The following MTCH2 variants were observed in gnomAD, a reference collection of about 807,000 sequenced individuals.
The protein encoded by MTCH2 is mitochondrial carrier 2.
In MTCH2, 25 loss-of-function variants were observed where a neutral mutation model predicts 50.6. The observed-to-expected ratio is 0.49, with a 90% CI of 0.36 to 0.69. The LOEUF (loss-of-function observed/expected upper bound fraction) is 0.69, where lower values mean the gene tolerates loss of function less well. MTCH2 is among the 30% of genes least tolerant of loss of function. The pLI, the probability that MTCH2 is intolerant of heterozygous loss-of-function variation, is 0.00. For missense variants in MTCH2, 273 were observed against 384.4 expected, an observed-to-expected ratio of 0.71 and a Z score of 2.42; for synonymous variants, 106 against 132.0, an observed-to-expected ratio of 0.80 and a Z score of 1.35.
the MTCH2 span, among the ~76,000 whole-genome samples, chr11:47,608,244 T>C: frequency 7.2e-5 from 11 of 152,222 alleles, no homozygotes; most frequent in African/African-American, 2.7e-4. Context: ...ACATTTATGT[T>C]ATGTCAGTAG....
chr11:47,633,185 C>A (rs1229968775), intron 5 of MTCH2, among the ~76,000 whole-genome samples: 1 of 146,694 alleles, frequency 6.8e-6, no homozygotes, highest in African/African-American at 2.5e-5. Flanking sequence ...TCTTGGCTCA[C>A]TGCAAGCTCC....
At chr11:47,619,933 C>T (rs751601570) in intron 12 of MTCH2, among the ~76,000 whole-genome samples, 4 of 152,026 alleles carry the variant, frequency 2.6e-5, no homozygotes, top group South Asian at 2.1e-4. Context: ...AAAAATTAGC[C>T]GGGCGTAGTG....
intron 11 of MTCH2, among the ~76,000 whole-genome samples, chr11:47,624,043 C>A (rs2097295721): frequency 6.6e-6 from 1 of 152,066 alleles, no homozygotes; most frequent in Non-Finnish European, 1.5e-5. Context: ...CAGAGCAAGA[C>A]TCTGTCTCAA....
chr11:47,635,609 C>T (rs1565974489), intron 3 of MTCH2, 38 bp from the exon 4 acceptor site: 2 of 1,579,852 alleles, frequency 1.3e-6, no homozygotes, highest in African/African-American at 2.7e-5. Flanking sequence ...AGGGTTATTA[C>T]AGTGTCATGT....
chr11:47,635,099 A>C (rs916021737), intron 4 of MTCH2, among the ~76,000 whole-genome samples: 1 of 150,666 alleles, frequency 6.6e-6, no homozygotes, highest in African/African-American at 2.4e-5. Flanking sequence ...ATTTCTTTTG[A>C]GATAGGGTCT....
At chr11:47,604,352 G>T in the MTCH2 span, among the ~76,000 whole-genome samples, 1 of 151,966 alleles carries the variant, frequency 6.6e-6, no homozygotes, top group Non-Finnish European at 1.5e-5. Flanking sequence ...AGATCAATGA[G>T]GTTTATTATA....
At chr11:47,616,225 C>T (rs1022929383), downstream of MTCH2, among the ~76,000 whole-genome samples, 2 of 152,148 alleles carry the variant, frequency 1.3e-5, no homozygotes, top group Middle Eastern at 3.2e-3. Context: ...CTGCCCCCAG[C>T]CCACCCCACA....
At chr11:47,638,926 C>A in intron 2 of MTCH2, 41 bp downstream of exon 2, 2 of 1,587,094 alleles carry the variant, frequency 1.3e-6, no homozygotes, top group Non-Finnish European at 1.7e-6. Context: ...CTATCACAGT[C>A]CTCAACGTCA....
In MTCH2 at chr11:47,626,276, C is replaced by T. The variant is rs1293990549; in HGVS notation, c.682-535G>A. On this transcript the variant is annotated intron_variant, in intron 10 of 12. Coordinates refer to ENST00000302503, the MANE Select transcript of MTCH2 (RefSeq NM_014342.4). Reference sequence around the variant, plus strand: ...GGCCAAGGTGGTGTCGAACTCCCGACCTCAGCCTCCCAAAGTGCTGGGATT... The same window carrying T: ...GGCCAAGGTGGTGTCGAACTCCCGATCTCAGCCTCCCAAAGTGCTGGGATT... 4.0e-5 allele frequency among the ~76,000 whole-genome samples: 6 copies of T among 151,782 alleles called. No individual in the cohort carries two copies. The East Asian group carries it at 1.2e-3, about 29-fold the overall frequency.
chr11:47,640,131 C>T (rs2097312683), intron 1 of MTCH2, among the ~76,000 whole-genome samples: 1 of 152,034 alleles, frequency 6.6e-6, no homozygotes, highest in Admixed American at 6.6e-5. Context: ...GAGTTCAAGA[C>T]CAGCCTGGCC....
rs759572008 is a variant in MTCH2 at position 47,622,787 on chromosome 11, A to G, written c.750-11T>C. Reference sequence around the variant, plus strand: ...CATCCACCAGCAAGACTAAAATAGAAAAAAACATGGAGCTATTCATGTTAA... The same window carrying G: ...CATCCACCAGCAAGACTAAAATAGAGAAAAACATGGAGCTATTCATGTTAA... On this transcript the variant is annotated splice_polypyrimidine_tract_variant and intron_variant, in intron 11 of 12. Transcript: ENST00000302503. 5.2e-5 allele frequency: 61 copies of G among 1,182,206 alleles called. No homozygotes were observed. Among genetic ancestry groups the G allele is most frequent in the Non-Finnish European group, 6.2e-5 (59 of 949,360 alleles). 73.2% of individuals were successfully genotyped at this position (1,182,206 alleles called of 1,614,324 possible). A position where few individuals can be genotyped will look rare whatever the true frequency, so the allele number is the denominator to read the frequency against.
intron 8 of MTCH2, among the ~76,000 whole-genome samples, chr11:47,629,612 C>T (rs546905295): frequency 2.0e-5 from 3 of 152,112 alleles, no homozygotes; most frequent in South Asian, 2.1e-4. Context: ...CACTCAGCAG[C>T]GATGTGACAG....
chr11:47,633,114 CTTTT>C (rs11394531), intron 5 of MTCH2, among the ~76,000 whole-genome samples: 1 of 134,558 alleles, frequency 7.4e-6, no homozygotes, highest in African/African-American at 2.8e-5. Context: ...TGTATCCCTG[CTTTT>C]TTTTTTTTTT....
At position 47,642,558 on chromosome 11, in the gene MTCH2, C is replaced by T. The variant is rs979240432; in HGVS notation, c.-93G>A. On this transcript the variant is annotated 5_prime_UTR_variant, in exon 1 of 13. It adds an upstream start codon to the 5' untranslated region. Transcript: ENST00000302503. Reference sequence around the variant, plus strand: ...TCACGTGCCAGGGCCGCCGGTTTCACTGGCCCGCCCGCGGCGCGCGCGCAC... The same window carrying T: ...TCACGTGCCAGGGCCGCCGGTTTCATTGGCCCGCCCGCGGCGCGCGCGCAC... The T allele has an allele frequency of 1.7e-6, 2 of 1,144,056 alleles. No homozygotes were observed. The highest frequency in any genetic ancestry group is 3.2e-5 in the Admixed American group (1 of 31,532). 70.9% of individuals were successfully genotyped at this position (1,144,056 alleles called of 1,614,324 possible).
chr11:47,642,554 T>A lies in MTCH2; in HGVS notation c.-89A>T. 8.4e-7 allele frequency: 1 copy of A among 1,192,692 alleles called. No homozygotes were observed. The highest frequency in any genetic ancestry group is 1.1e-6 in the Non-Finnish European group (1 of 873,104). 73.9% of individuals were successfully genotyped at this position (1,192,692 alleles called of 1,614,324 possible). On this transcript the variant is annotated 5_prime_UTR_variant, in exon 1 of 13. Transcript: ENST00000302503. The stretch of plus-strand genomic sequence containing the variant: ...TAGGTCACGTGCCAGGGCCGCCGGT[T>A]TCACTGGCCCGCCCGCGGCGCGCGC...
chr11:47,637,342 T>C (rs568552694), intron 3 of MTCH2, among the ~76,000 whole-genome samples: 18 of 152,294 alleles, frequency 1.2e-4, no homozygotes, highest in African/African-American at 4.3e-4. Flanking sequence ...AGCCCAGGGT[T>C]CCCACTTTTC....
chr11:47,631,055 C>T lies in MTCH2; in HGVS notation c.460G>A (p.Gly154Ser). The change falls in exon 7 of 13, where the codon GGC becomes AGC. Residue 154 changes from glycine to serine, a missense_variant. Physicochemically the swap from Gly to Ser is moderately conservative, Grantham distance 56 (BLOSUM62 0). Coordinates refer to ENST00000302503, the MANE Select transcript of MTCH2 (RefSeq NM_014342.4). ...ACTTACCAGTACTTGGATTCTCTGC[C>T]AATGAACTGTACCATAGATCTCAGA... Reference protein sequence around the residue: ...ITLRSMVQFIGRESKYCGLCD... With the variant: ...ITLRSMVQFISRESKYCGLCD... 1 of 1,612,964 alleles carries T rather than the reference C, an allele frequency of 6.2e-7. No homozygotes were observed. Among genetic ancestry groups the T allele is most frequent in the Non-Finnish European group, 8.5e-7 (1 of 1,179,064 alleles).
At chr11:47,627,186 T>C (rs1260520138) in intron 9 of MTCH2, 59 bp from the exon 10 acceptor site, 15 of 1,262,420 alleles carry the variant, frequency 1.2e-5, no homozygotes, top group African/African-American at 3.1e-5. Context: ...CATCAATATA[T>C]TCTTTTTTCC....
At chr11:47,611,914 G>C in the MTCH2 span, among the ~76,000 whole-genome samples, 1 of 152,146 alleles carries the variant, frequency 6.6e-6, no homozygotes. Context: ...AGGCAAGATG[G>C]GCTCTTTGCA....
Sources: allele counts gnomAD v4.1 joint callset (sites outside exome capture counted in the v4.1 genomes callset), GRCh38; gene constraint gnomAD v4.1.1; transcripts MANE v1.5; gene names NCBI Gene and HGNC (gene_info 2026-07-23, HGNC 2026-07-21).